The following SNTB1 variants were observed in gnomAD, a reference collection of about 807,000 sequenced individuals.
SNTB1 encodes the protein beta-1-syntrophin.
A neutral mutation model predicts 48.9 loss-of-function variants in SNTB1; 36 were observed. The ratio of observed to expected loss-of-function variants is 0.74; its 90% CI spans 0.56 to 0.97. SNTB1 has a LOEUF of 0.97. Among genes scored for constraint, SNTB1 ranks in the 50% least tolerant of loss-of-function variants. SNTB1 has a pLI of 0.00. For synonymous variants in SNTB1, 299 were observed against 294.6 expected, an observed-to-expected ratio of 1.01 and a Z score of -0.15; for missense variants, 786 against 703.4, an observed-to-expected ratio of 1.12 and a Z score of -1.33.
intron 2 of SNTB1, among the ~76,000 whole-genome samples, chr8:120,663,633 G>T (rs1817627505): frequency 6.6e-6 from 1 of 152,114 alleles, no homozygotes; most frequent in Admixed American, 6.5e-5. Flanking sequence ...TGGCTTAGAA[G>T]TGTAGGGGAA....
chr8:120,590,147 G>A (rs2130706329), intron 3 of SNTB1, among the ~76,000 whole-genome samples: 2 of 152,272 alleles, frequency 1.3e-5, no homozygotes, highest in East Asian at 1.9e-4. Context: ...ATGGCAGCTG[G>A]CAAATTCTTT....
rs140714395 is a variant in SNTB1 at position 120,667,139 on chromosome 8, C to G, written c.788+26553G>C. Among the ~76,000 whole-genome samples, 570 of 150,170 alleles carry G rather than the reference C, an allele frequency of 3.8e-3. 6 individuals carry two copies. The highest frequency in any genetic ancestry group is 0.013 in the African/African-American group (545 of 40,852). ...AGAGACAGGGTCTTGCTCTGTTACC[C>G]AGGCTTTGCTGCAGTGGGACCATCA... On this transcript the variant is annotated intron_variant, in intron 2 of 6. Transcript: ENST00000517992.
chr8:120,539,243 G>A (rs1411983096), intron 6 of SNTB1, among the ~76,000 whole-genome samples: 1 of 152,064 alleles, frequency 6.6e-6, no homozygotes, highest in Non-Finnish European at 1.5e-5. Flanking sequence ...GACTGTCTAA[G>A]CCATTTATTT....
chr8:120,657,992 C>A (rs1817528024), intron 2 of SNTB1, among the ~76,000 whole-genome samples: 1 of 152,190 alleles, frequency 6.6e-6, no homozygotes. Context: ...ATTATTAAAG[C>A]AGTTATTTAG....
At chr8:120,671,117 G>A (rs1817750890) in intron 2 of SNTB1, among the ~76,000 whole-genome samples, 1 of 151,962 alleles carries the variant, frequency 6.6e-6, no homozygotes, top group African/African-American at 2.4e-5. Context: ...CCCTTTTTTT[G>A]GAGGTTCCAA....
At chr8:120,711,393 G>T (rs191553261) in intron 1 of SNTB1, among the ~76,000 whole-genome samples, 2 of 152,006 alleles carry the variant, frequency 1.3e-5, no homozygotes, top group Non-Finnish European at 2.9e-5. Flanking sequence ...CACATTTCAA[G>T]GCCTCACAGC....
chr8:120,620,926 T>G (rs1417237910), intron 3 of SNTB1, among the ~76,000 whole-genome samples: 1 of 123,382 alleles, frequency 8.1e-6, no homozygotes, highest in Non-Finnish European at 1.6e-5. Flanking sequence ...TCCCTCCCTC[T>G]CTCTCTTCTT....
intron 1 of SNTB1, among the ~76,000 whole-genome samples, chr8:120,717,254 G>T (rs1001673338): frequency 6.6e-6 from 1 of 152,294 alleles, no homozygotes; most frequent in African/African-American, 2.4e-5. Flanking sequence ...TTTCAGTGCT[G>T]CCTAGGCGAT....
At chr8:120,700,156 C>CGTGTGTGTGTGTGTGTGT (rs58077307) in intron 1 of SNTB1, among the ~76,000 whole-genome samples, 65 of 149,180 alleles carry the variant, frequency 4.4e-4, no homozygotes, top group African/African-American at 1.5e-3. Context: ...AAAAAAATTG[C>CGTGTGTGTGTGTGTGTGT]GTGTGTGTGT....
At chr8:120,612,003 C>T (rs1374474173) in intron 3 of SNTB1, among the ~76,000 whole-genome samples, 1 of 152,060 alleles carries the variant, frequency 6.6e-6, no homozygotes, top group Non-Finnish European at 1.5e-5. Flanking sequence ...CCACAAGTCC[C>T]TCCAAACAGA....
intron 2 of SNTB1, among the ~76,000 whole-genome samples, chr8:120,650,691 G>A (rs1422832742): frequency 1.3e-5 from 2 of 152,106 alleles, no homozygotes; most frequent in Non-Finnish European, 2.9e-5. Context: ...TCAGATACAC[G>A]CATTTTGACC....
rs555520466 is a variant in SNTB1, at chr8:120,564,764, T to A, written c.1136+10322A>T. Among the ~76,000 whole-genome samples the A allele has an allele frequency of 4.6e-5, 7 of 151,768 alleles. No individual in the cohort carries two copies. The South Asian group carries it at 1.3e-3, about 27-fold the overall frequency. On this transcript the variant is annotated intron_variant, in intron 4 of 6. Coordinates refer to ENST00000517992, the MANE Select transcript of SNTB1 (RefSeq NM_021021.4). Reference sequence around the variant, plus strand: ...TTTTGTATTTTTAGTAGAGATGGGGTTTCACCACGTTGGTCAGGCTGGTCT... The same window carrying A: ...TTTTGTATTTTTAGTAGAGATGGGGATTCACCACGTTGGTCAGGCTGGTCT...
intron 3 of SNTB1, among the ~76,000 whole-genome samples, chr8:120,626,490 G>GA (rs1361362964): frequency 6.6e-6 from 1 of 152,154 alleles, no homozygotes; most frequent in African/African-American, 2.4e-5. Flanking sequence ...ATAGGGAGAT[G>GA]AAAAATAGAG....
intron 2 of SNTB1, among the ~76,000 whole-genome samples, chr8:120,661,876 T>C: frequency 6.6e-6 from 1 of 152,244 alleles, no homozygotes; most frequent in East Asian, 1.9e-4. Context: ...ACTAAGTTTA[T>C]GTATGTTCAG....
chr8:120,573,265 C>T (rs927022442), intron 4 of SNTB1, among the ~76,000 whole-genome samples: 11 of 152,202 alleles, frequency 7.2e-5, no homozygotes, highest in African/African-American at 2.7e-4. Context: ...GCCATCCTAA[C>T]ACACATCCTA....
chr8:120,640,433 G>C (rs1563838950), intron 2 of SNTB1, among the ~76,000 whole-genome samples: 1 of 152,192 alleles, frequency 6.6e-6, no homozygotes, highest in Non-Finnish European at 1.5e-5. Context: ...GGAGTGATGA[G>C]AGAGGGCATC....
intron 4 of SNTB1, among the ~76,000 whole-genome samples, chr8:120,574,044 A>C (rs1045684914): frequency 3.9e-5 from 6 of 152,254 alleles, no homozygotes; most frequent in African/African-American, 1.4e-4. Flanking sequence ...AGCCTTAAAA[A>C]AGAAATTCTC....
At chr8:120,596,502 T>A (rs60307797) in intron 3 of SNTB1, among the ~76,000 whole-genome samples, 1 of 152,150 alleles carries the variant, frequency 6.6e-6, no homozygotes, top group South Asian at 2.1e-4. Context: ...AAGTCTGATC[T>A]GGCTGAAATC....
intron 3 of SNTB1, among the ~76,000 whole-genome samples, chr8:120,596,758 C>G (rs1816333004): frequency 6.6e-6 from 1 of 152,218 alleles, no homozygotes; most frequent in Non-Finnish European, 1.5e-5. Flanking sequence ...CCTTCACATC[C>G]CTCCTGTGTC....
Sources: gnomAD v4.1 joint callset for allele counts (sites outside exome capture counted in the v4.1 genomes callset) on GRCh38, gnomAD v4.1.1 for gene constraint, MANE v1.5 for transcripts, NCBI Gene and HGNC (gene_info 2026-07-23, HGNC 2026-07-21) for gene names.